Variants in LRBA observed in about 807,000 individuals in gnomAD.
The protein encoded by LRBA is LPS responsive beige-like anchor protein, also known as lipopolysaccharide-responsive and beige-like anchor protein.
In LRBA, 176 loss-of-function variants were observed where a neutral mutation model predicts 330.0. The ratio of observed to expected loss-of-function variants is 0.53; its 90% CI spans 0.47 to 0.60. The LOEUF is 0.60. Among genes scored for constraint, LRBA ranks in the 20% least tolerant of loss-of-function variants. The pLI, the probability that LRBA is intolerant of heterozygous loss-of-function variation, is 0.00. For missense variants in LRBA, 3,259 were observed against 3,444.8 expected, an observed-to-expected ratio of 0.95 and a Z score of 1.35; for synonymous variants, 1,230 against 1,193.0, an observed-to-expected ratio of 1.03 and a Z score of -0.64.
At chr4:150,685,320 T>C (rs1236897164) in intron 36 of LRBA, among the ~76,000 whole-genome samples, 1 of 140,140 alleles carries the variant, frequency 7.1e-6, no homozygotes, top group Non-Finnish European at 1.5e-5. Context: ...AAATTGGTTT[T>C]TTTTGTTCCT....
chr4:150,717,788 G>GT (rs1358119051), intron 36 of LRBA, among the ~76,000 whole-genome samples: 1 of 151,282 alleles, frequency 6.6e-6, no homozygotes, highest in African/African-American at 2.4e-5. Flanking sequence ...CTGGTTTGCA[G>GT]TTCCACTGAA....
At chr4:150,348,735 A>T (rs891174660) in intron 48 of LRBA, among the ~76,000 whole-genome samples, 1 of 152,178 alleles carries the variant, frequency 6.6e-6, no homozygotes, top group Non-Finnish European at 1.5e-5. Context: ...AACAGAATAA[A>T]GTATTACGTT....
At chr4:150,503,473 C>A (rs1760586207) in intron 40 of LRBA, among the ~76,000 whole-genome samples, 1 of 152,146 alleles carries the variant, frequency 6.6e-6, no homozygotes. Flanking sequence ...CAAACCCCAA[C>A]AGTTTGGTAG....
At chr4:150,399,888 A>C (rs1285472552) in intron 47 of LRBA, among the ~76,000 whole-genome samples, 2 of 152,172 alleles carry the variant, frequency 1.3e-5, no homozygotes, top group Non-Finnish European at 2.9e-5. Flanking sequence ...AGGCATGAGA[A>C]TCACTTGAAC....
intron 44 of LRBA, among the ~76,000 whole-genome samples, chr4:150,466,733 C>G (rs1412723753): frequency 6.6e-6 from 1 of 151,956 alleles, no homozygotes; most frequent in East Asian, 1.9e-4. Flanking sequence ...ACTGGATATT[C>G]CACTCACCTA....
chr4:150,540,044 A>G (rs983092209), intron 40 of LRBA, among the ~76,000 whole-genome samples: 53 of 152,328 alleles, frequency 3.5e-4, no homozygotes, highest in African/African-American at 1.2e-3. Context: ...TTTAAATTAA[A>G]TCATAGCTAA....
At chr4:150,572,706 C>T (rs1354496243) in intron 40 of LRBA, among the ~76,000 whole-genome samples, 1 of 152,072 alleles carries the variant, frequency 6.6e-6, no homozygotes, top group Non-Finnish European at 1.5e-5. Flanking sequence ...CAACCTAAAC[C>T]TCCAAGTCAC....
At chr4:150,902,535 T>G (rs1324100516) in intron 13 of LRBA, among the ~76,000 whole-genome samples, 2 of 152,086 alleles carry the variant, frequency 1.3e-5, no homozygotes, top group Non-Finnish European at 2.9e-5. Context: ...GTAAATGACT[T>G]TGTAACTTTA....
Position 150,310,382 on chromosome 4 carries a change from T to C in LRBA, c.7696A>G (p.Ser2566Gly). Residue 2566 changes from serine (S) to glycine (G), a missense_variant and splice_region_variant, in exon 52 of 57, where the codon AGC becomes GGC. Ser to Gly is a moderately conservative substitution (Grantham distance 56). Coordinates refer to ENST00000651943, the MANE Select transcript of LRBA (RefSeq NM_001364905.1). ...TGCCTCCTGTGCATTCCTGTATTGC[T>C]GGCTGTAAGAATAGGGAGGAAAAAC... ...LPVEIDPLIASNTGMHRRQIT... is the reference protein window; with the variant it reads ...LPVEIDPLIAGNTGMHRRQIT... 6.2e-7 allele frequency: 1 copy of C among 1,611,956 alleles called. No individual in the cohort carries two copies.
chr4:150,543,585 A>C (rs1765544949), intron 40 of LRBA, among the ~76,000 whole-genome samples: 1 of 152,214 alleles, frequency 6.6e-6, no homozygotes, highest in African/African-American at 2.4e-5. Flanking sequence ...TTGGGGAACT[A>C]TCATTTGACA....
In LRBA at chr4:150,265,883, C is replaced by T. The variant is rs890767856; in HGVS notation, c.8469-71G>A. The T allele has an allele frequency of 5.5e-6, 5 of 912,548 alleles. No individual in the cohort carries two copies. In the African/African-American group the frequency reaches 6.5e-5, roughly 12 times the overall value. 56.5% of individuals were successfully genotyped at this position (912,548 alleles called of 1,614,324 possible). ...TAGAGATGTTACTAAAAACTGCTCT[C>T]CCCAAATCCACAAGGTAAATATAGA... On this transcript the variant is annotated intron_variant, in intron 56 of 56. Coordinates refer to ENST00000651943, the MANE Select transcript of LRBA (RefSeq NM_001364905.1).
At chr4:150,946,277 G>GAACT (rs1473927053) in intron 2 of LRBA, among the ~76,000 whole-genome samples, 2 of 152,002 alleles carry the variant, frequency 1.3e-5, no homozygotes, top group Admixed American at 1.3e-4. Flanking sequence ...CAACAAAGAA[G>GAACT]AACTAATTGA....
At position 150,451,024 on chromosome 4, in the gene LRBA, T is replaced by G. The variant is rs571399238; in HGVS notation, c.6781-14160A>C. 4.6e-5 allele frequency among the ~76,000 whole-genome samples: 7 copies of G among 152,236 alleles called. No individual in the cohort carries two copies. In the South Asian group the frequency reaches 1.5e-3, roughly 32 times the overall value. ...CAGCCTGAGTGACAGGGCAAGACTC[T>G]GTCTCAAAAACAAAACAAAACAAAA... On this transcript the variant is annotated intron_variant, in intron 44 of 56. Transcript: ENST00000651943.
chr4:150,816,724 C>T (rs1744654004), intron 31 of LRBA, among the ~76,000 whole-genome samples: 1 of 151,312 alleles, frequency 6.6e-6, no homozygotes, highest in African/African-American at 2.4e-5. Flanking sequence ...TTGTACAGTC[C>T]AAAATATTTG....
rs200639633 is a variant in LRBA, at chr4:150,948,878, G to A, written c.217-19813C>T. ...TAGGCATTAAAGAAATGCAAATTAA[G>A]ACCACAGTGGATATCACTATACATC... On this transcript the variant is annotated intron_variant, in intron 2 of 56. Transcript: ENST00000651943. Among the ~76,000 whole-genome samples the A allele has an allele frequency of 1.3e-4, 19 of 151,728 alleles. 1 individual carries two copies. The highest frequency in any genetic ancestry group is 9.2e-4 in the Admixed American group (14 of 15,254).
chr4:150,423,257 G>T, intron 46 of LRBA: 2 of 1,080,990 alleles, frequency 1.9e-6, no homozygotes, highest in Non-Finnish European at 1.4e-6. Context: ...ACACGCAGCC[G>T]CCTCCCAGCA....
chr4:150,733,211 T>C (rs1448485438), intron 36 of LRBA, among the ~76,000 whole-genome samples: 2 of 151,950 alleles, frequency 1.3e-5, no homozygotes, highest in African/African-American at 2.4e-5. Context: ...TAAAAGACAG[T>C]GTGGAGTCTT....
At chr4:150,968,663 G>T (rs1286798238) in intron 2 of LRBA, among the ~76,000 whole-genome samples, 1 of 152,198 alleles carries the variant, frequency 6.6e-6, no homozygotes, top group African/African-American at 2.4e-5. Context: ...AACACAAAAT[G>T]CAAGATAAAG....
chr4:150,491,558 C>G (rs1581474764), intron 40 of LRBA, among the ~76,000 whole-genome samples: 1 of 152,054 alleles, frequency 6.6e-6, no homozygotes, highest in South Asian at 2.1e-4. Flanking sequence ...GTCACTCATT[C>G]AGAAAGCACA....
Sources: gnomAD v4.1 joint callset for allele counts (sites outside exome capture counted in the v4.1 genomes callset) on GRCh38, gnomAD v4.1.1 for gene constraint, MANE v1.5 for transcripts, NCBI Gene and HGNC (gene_info 2026-07-23, HGNC 2026-07-21) for gene names.